RASSF5: variants seen among roughly 807,000 people sequenced by gnomAD.
RASSF5 encodes Ras association domain family member 5.
A neutral mutation model predicts 40.5 loss-of-function variants in RASSF5; 25 were observed. The observed-to-expected ratio is 0.62, with a 90% CI of 0.45 to 0.86. The LOEUF (loss-of-function observed/expected upper bound fraction) is 0.86. RASSF5 is among the 40% of genes least tolerant of loss of function. The probability of loss-of-function intolerance (pLI) is 0.00; values close to 1 mark genes in which losing one functional copy is unlikely to be tolerated. For missense variants in RASSF5, 521 were observed against 572.8 expected (o/e 0.91, Z 0.92); for synonymous variants, 246 against 252.4 (o/e 0.97, Z 0.24).
chr1:206,530,796 G>A lies in RASSF5; in HGVS notation c.458-7376G>A, dbSNP rs141828137. ...TCCCCGCTGCAGGGAGCTGAGCCCTGGGGCCTCCCTTGCTCATAGGGGAGC... is the reference window on the plus strand; with the variant it reads ...TCCCCGCTGCAGGGAGCTGAGCCCTAGGGCCTCCCTTGCTCATAGGGGAGC... On this transcript the variant is annotated intron_variant, in intron 1 of 5. Coordinates refer to ENST00000579436, the MANE Select transcript of RASSF5 (RefSeq NM_182663.4). Among the ~76,000 whole-genome samples, 312 of 152,324 alleles carry A rather than the reference G, an allele frequency of 2.0e-3. 7 individuals are homozygous for A. In the East Asian group the frequency reaches 0.039, roughly 19 times the overall value.
intron 1 of RASSF5, among the ~76,000 whole-genome samples, chr1:206,520,665 G>A (rs1411286245): frequency 1.3e-5 from 2 of 151,842 alleles, no homozygotes; most frequent in African/African-American, 4.8e-5. Context: ...CTTGAGTCAG[G>A]ATCCTGGAGT....
chr1:206,553,531 A>G (rs1343609505), intron 2 of RASSF5, among the ~76,000 whole-genome samples: 3 of 152,238 alleles, frequency 2.0e-5, no homozygotes, highest in African/African-American at 7.2e-5. Context: ...AACAAACTCA[A>G]TCTTGACCCT....
At chr1:206,539,054 T>C (rs1051259086) in intron 2 of RASSF5, among the ~76,000 whole-genome samples, 9 of 152,318 alleles carry the variant, frequency 5.9e-5, no homozygotes, top group East Asian at 3.9e-4. Context: ...AGTGCAATTG[T>C]TTCTGCTGGG....
intron 2 of RASSF5, among the ~76,000 whole-genome samples, chr1:206,548,475 C>A (rs1010041131): frequency 6.6e-6 from 1 of 152,132 alleles, no homozygotes; most frequent in Non-Finnish European, 1.5e-5. Context: ...ATGGGGAGGG[C>A]ACCAAGACAT....
chr1:206,577,220 T>C (rs1668689120), intron 2 of RASSF5, among the ~76,000 whole-genome samples: 1 of 152,100 alleles, frequency 6.6e-6, no homozygotes, highest in Admixed American at 6.6e-5. Flanking sequence ...AAACCTAACA[T>C]TTACTGTCTG....
At chr1:206,559,165 A>G (rs1236721103) in intron 2 of RASSF5, among the ~76,000 whole-genome samples, 1 of 152,188 alleles carries the variant, frequency 6.6e-6, no homozygotes, top group Admixed American at 6.5e-5. Context: ...GGTAATTCTG[A>G]TATACAGTTG....
intron 2 of RASSF5, among the ~76,000 whole-genome samples, chr1:206,559,548 G>A (rs1668081610): frequency 6.6e-6 from 1 of 152,136 alleles, no homozygotes; most frequent in Admixed American, 6.6e-5. Flanking sequence ...ATACACCTTT[G>A]GTTTGGTCCC....
intron 2 of RASSF5, 122 bp downstream of exon 2, chr1:206,538,415 C>G: frequency 1.5e-6 from 2 of 1,313,618 alleles, no homozygotes; most frequent in South Asian, 2.7e-5. Flanking sequence ...TCCACATGCA[C>G]TGGATGGAGT....
chr1:206,585,312 T>C lies in RASSF5; in HGVS notation c.1104+17T>C, dbSNP rs1466914628. On this transcript the variant is annotated intron_variant, in intron 5 of 5. Coordinates refer to ENST00000579436, the MANE Select transcript of RASSF5 (RefSeq NM_182663.4). The stretch of plus-strand genomic sequence containing the variant: ...GAGGTAGAGGTAGGTCTGGACCCAT[T>C]GTGCAAACCCAGGCCTTAGGGCACC... 1.2e-6 allele frequency: 2 copies of C among 1,601,966 alleles called. No individual in the cohort carries two copies. The highest frequency in any genetic ancestry group is 2.7e-5 in the African/African-American group (2 of 74,668).
In RASSF5 at chr1:206,552,605, C is replaced by T. The variant is rs994465319; in HGVS notation, c.579+14312C>T. On this transcript the variant is annotated intron_variant, in intron 2 of 5. Transcript: ENST00000579436. The surrounding 1 kb of genome is among the most constrained non-coding windows in gnomAD (Gnocchi z 4.1). ...CTGCTCAAGAGTTTGGAATAGGTGG[C>T]GGGAGTCGGTGGAGAAAGGACAATT... Among the ~76,000 whole-genome samples, 1 of 151,960 alleles carries T rather than the reference C, an allele frequency of 6.6e-6. No individual in the cohort carries two copies. Among genetic ancestry groups the T allele is most frequent in the African/African-American group, 2.4e-5 (1 of 41,342 alleles).
rs1666505327 is a variant in RASSF5, at chr1:206,507,932, G to T, written c.330G>T (p.Pro110=). The T allele has an allele frequency of 1.3e-6, 2 of 1,520,694 alleles. No individual in the cohort carries two copies. Among genetic ancestry groups the T allele is most frequent in the Admixed American group, 2.0e-5 (1 of 48,992 alleles). The allele number at this position is 1,520,694 out of a possible 1,614,324, so 94.2% of individuals were successfully genotyped here. Residue 110 remains proline (P), a synonymous_variant, in exon 1 of 6, where the codon CCG becomes CCT. Transcript: ENST00000579436. ...ACGTGCGGAGCATCTTCGAGCAGCC[G>T]CAGGATCCCAGAGTCCCGGCGGAGC... is the stretch of plus-strand genomic sequence containing the variant. The part of the protein sequence containing the change: ...PRDVRSIFEQ[P]QDPRVPAERG...
chr1:206,508,082 G>A (rs782015853), intron 1 of RASSF5, 23 bp downstream of exon 1: 31 of 1,353,382 alleles, frequency 2.3e-5, no homozygotes, highest in Non-Finnish European at 2.8e-5. Flanking sequence ...GCAGGGGAGG[G>A]GCGTGCGGGG....
At chr1:206,562,597 C>T (rs1301543546) in intron 2 of RASSF5, among the ~76,000 whole-genome samples, 2 of 152,156 alleles carry the variant, frequency 1.3e-5, no homozygotes, top group Non-Finnish European at 2.9e-5. Context: ...GATCAGAACT[C>T]GCATCTCCTT....
At chr1:206,517,413 A>C (rs59365549) in intron 1 of RASSF5, among the ~76,000 whole-genome samples, 5,668 of 152,228 alleles carry the variant, frequency 0.037, 350 homozygotes, top group African/African-American at 0.13. Context: ...TCGAGGCTGC[A>C]GTGAGCTATG....
rs969185175 is a variant in RASSF5 at position 206,538,992 on chromosome 1, T to G, written c.579+699T>G. On this transcript the variant is annotated intron_variant, in intron 2 of 5. Transcript: ENST00000579436. Reference sequence around the variant, plus strand: ...GGAGGCAGAATACCAACAAATAGCATACACTGTGATGCATTTTGCAATAAA... The same window carrying G: ...GGAGGCAGAATACCAACAAATAGCAGACACTGTGATGCATTTTGCAATAAA... Among the ~76,000 whole-genome samples the G allele has an allele frequency of 3.3e-5, 5 of 152,216 alleles. No homozygotes were observed. In the South Asian group the frequency reaches 1.0e-3, roughly 31 times the overall value.
chr1:206,588,596 G>A lies in RASSF5; in HGVS notation c.*1618G>A, dbSNP rs1669226774. 1.3e-5 allele frequency: 2 copies of A among 152,366 alleles called. No homozygotes were observed. The highest frequency in any genetic ancestry group is 4.8e-5 in the African/African-American group (2 of 41,428). The allele number at this position is 152,366 out of a possible 1,614,324, so 9.4% of individuals were successfully genotyped here. A position where few individuals can be genotyped will look rare whatever the true frequency, so the allele number is the denominator to read the frequency against. On this transcript the variant is annotated 3_prime_UTR_variant, in exon 6 of 6. Transcript: ENST00000579436. Reference sequence around the variant, plus strand: ...CAAGCTTGTTCGTGTAGCTTCAGAAGTTCCCTCTCTGACCCAGGCTGAGTC... The same window carrying A: ...CAAGCTTGTTCGTGTAGCTTCAGAAATTCCCTCTCTGACCCAGGCTGAGTC...
At chr1:206,585,344 G>A in intron 5 of RASSF5, 49 bp downstream of exon 5, 3 of 1,330,858 alleles carry the variant, frequency 2.3e-6, no homozygotes, top group Middle Eastern at 1.8e-4. Flanking sequence ...CACCCTGGGT[G>A]GGTGCAGGTG....
Position 206,507,599 on chromosome 1 carries a change from G to T in RASSF5, c.-4G>T. ...GCTGCCAAAGCTGCCGCCACTAGCC[G>T]GGCATGGCCATGGCGTCCCCGGCCA... is the stretch of plus-strand genomic sequence containing the variant. On this transcript the variant is annotated 5_prime_UTR_variant, in exon 1 of 6. Transcript: ENST00000579436. The T allele has an allele frequency of 6.7e-7, 1 of 1,501,882 alleles. No homozygotes were observed. The allele number at this position is 1,501,882 out of a possible 1,614,324, so 93.0% of individuals were successfully genotyped here. A position where few individuals can be genotyped will look rare whatever the true frequency, so the allele number is the denominator to read the frequency against.
At chr1:206,523,440 T>C (rs1418017021) in intron 1 of RASSF5, among the ~76,000 whole-genome samples, 1 of 116,682 alleles carries the variant, frequency 8.6e-6, no homozygotes, top group Non-Finnish European at 1.7e-5. Flanking sequence ...ATATATTTTA[T>C]ATATAATATA....
Sources: allele counts gnomAD v4.1 joint callset (sites outside exome capture counted in the v4.1 genomes callset), GRCh38; gene constraint gnomAD v4.1.1; non-coding constraint Gnocchi (gnomAD v3.1); transcripts MANE v1.5; gene names NCBI Gene and HGNC (gene_info 2026-07-23, HGNC 2026-07-21).